The following MAP3K20 variants were observed in gnomAD, a reference collection of about 807,000 sequenced individuals.
MAP3K20 encodes HCCS-4.
A neutral mutation model predicts 85.7 loss-of-function variants in MAP3K20; 40 were observed. That is an observed-to-expected ratio of 0.47 (90% CI 0.36 to 0.61). The LOEUF (loss-of-function observed/expected upper bound fraction) is 0.61, where lower values mean the gene tolerates loss of function less well. Ranked by LOEUF, MAP3K20 falls within the 20% of genes least tolerant of loss-of-function variation. The pLI, the probability that MAP3K20 is intolerant of heterozygous loss-of-function variation, is 0.00. For synonymous variants in MAP3K20, 325 were observed against 327.7 expected, an observed-to-expected ratio of 0.99 and a Z score of 0.09; for missense variants, 817 against 961.7, an observed-to-expected ratio of 0.85 and a Z score of 1.99.
chr2:173,168,072 A>ATTATTTCTAATAATAATAAATAAACT (rs150210619), intron 2 of MAP3K20, among the ~76,000 whole-genome samples: 1 of 149,858 alleles, frequency 6.7e-6, no homozygotes, highest in African/African-American at 2.4e-5. Context: ...AACTTTATTT[A>ATTATTTCTAATAATAATAAATAAACT]TTATTTCTAA....
chr2:173,112,129 C>G (rs1346059607), intron 2 of MAP3K20, among the ~76,000 whole-genome samples: 2 of 152,002 alleles, frequency 1.3e-5, no homozygotes, highest in Non-Finnish European at 2.9e-5. Flanking sequence ...GGGCTTTTGA[C>G]TCCTTCGTTA....
chr2:173,222,065 GGTAGCA>G, intron 11 of MAP3K20: 1 of 942,798 alleles, frequency 1.1e-6, no homozygotes. Flanking sequence ...TAGCTGGCAT[GGTAGCA>G]CACACCTGTA....
intron 7 of MAP3K20, among the ~76,000 whole-genome samples, chr2:173,196,230 C>G (rs565109856): frequency 3.0e-4 from 45 of 152,254 alleles, no homozygotes; most frequent in African/African-American, 1.0e-3. Flanking sequence ...ACTTGCCCTT[C>G]GTATCTTTTC....
At position 173,082,911 on chromosome 2, in the gene MAP3K20, A is replaced by T. The variant is rs3769204; in HGVS notation, c.-35+6909A>T. 5.2e-4 allele frequency among the ~76,000 whole-genome samples: 79 copies of T among 152,366 alleles called. 3 individuals are homozygous for T. The East Asian group carries it at 0.015, about 29-fold the overall frequency. On this transcript the variant is annotated intron_variant, in intron 1 of 19. Coordinates refer to ENST00000375213, the MANE Select transcript of MAP3K20 (RefSeq NM_016653.3). ...GGCGTTAAGTGCTCCCACCAACTAC[A>T]TTCCTGTGCCTCCCATCTTTTACTT...
At chr2:173,214,558 C>T (rs1268440654) in intron 10 of MAP3K20, 1 of 152,134 alleles carries the variant, frequency 6.6e-6, no homozygotes, top group Non-Finnish European at 1.5e-5. Context: ...TAATATATAA[C>T]ACATTTAATA....
intron 2 of MAP3K20, among the ~76,000 whole-genome samples, chr2:173,151,393 T>C (rs1259634856): frequency 2.0e-5 from 3 of 152,188 alleles, no homozygotes; most frequent in African/African-American, 7.2e-5. Flanking sequence ...CATCTGTCCC[T>C]TTTACTTCCA....
At chr2:173,211,283 A>C (rs1419317610) in intron 10 of MAP3K20, 1 of 152,190 alleles carries the variant, frequency 6.6e-6, no homozygotes, top group Non-Finnish European at 1.5e-5. Flanking sequence ...AAGGACCAGA[A>C]TACTTAAGAA....
chr2:173,174,076 C>T (rs923584486), intron 3 of MAP3K20, among the ~76,000 whole-genome samples: 35 of 152,260 alleles, frequency 2.3e-4, no homozygotes, highest in African/African-American at 7.9e-4. Flanking sequence ...GAATTAAATG[C>T]TTATTTAAAA....
intron 3 of MAP3K20, among the ~76,000 whole-genome samples, chr2:173,181,945 A>G (rs1013903312): frequency 2.0e-5 from 3 of 151,046 alleles, no homozygotes; most frequent in African/African-American, 7.3e-5. Flanking sequence ...AGTCCCAGCT[A>G]CTTGGGAGGC....
chr2:173,133,547 G>A (rs886281649), intron 2 of MAP3K20, among the ~76,000 whole-genome samples: 3 of 152,068 alleles, frequency 2.0e-5, no homozygotes, highest in African/African-American at 7.2e-5. Flanking sequence ...GAATATGAAG[G>A]TATGCTGTAT....
chr2:173,222,921 C>T, intron 11 of MAP3K20: 1 of 985,120 alleles, frequency 1.0e-6, no homozygotes, highest in Non-Finnish European at 1.2e-6. Flanking sequence ...AGAACTAAGA[C>T]TTTTTTCAAA....
Position 173,229,692 on chromosome 2 carries a change from C to T in MAP3K20, c.991C>T (p.Leu331=). 1 of 1,614,050 alleles carries T rather than the reference C, an allele frequency of 6.2e-7. No individual in the cohort carries two copies. Among genetic ancestry groups the T allele is most frequent in the South Asian group, 1.1e-5 (1 of 91,070 alleles). The stretch of plus-strand genomic sequence containing the variant: ...TTCATGCATATTTCCCATGCAGCTG[C>T]TGCCTTCCTTTGAGATTGGTGCATG... ...KLTEQSNTPL[L]PSFEIGAWTE... is the part of the protein sequence containing the mutation. The change falls in exon 12 of 20, where the codon CTG becomes TTG. Residue 331 remains leucine, a synonymous_variant. Coordinates refer to ENST00000375213, the MANE Select transcript of MAP3K20 (RefSeq NM_016653.3).
intron 12 of MAP3K20, among the ~76,000 whole-genome samples, chr2:173,231,633 C>T (rs1477472364): frequency 6.6e-6 from 1 of 152,222 alleles, no homozygotes; most frequent in African/African-American, 2.4e-5. Flanking sequence ...ATCCTTCTCT[C>T]CTCACCAAGG....
intron 2 of MAP3K20, among the ~76,000 whole-genome samples, chr2:173,096,741 C>T (rs1016316203): frequency 1.3e-5 from 2 of 152,194 alleles, no homozygotes; most frequent in Non-Finnish European, 2.9e-5. Context: ...ACTTTCATAT[C>T]GCTTTTCCAT....
chr2:173,231,472 T>C (rs983621429), intron 12 of MAP3K20, among the ~76,000 whole-genome samples: 2 of 152,238 alleles, frequency 1.3e-5, no homozygotes, highest in African/African-American at 4.8e-5. Context: ...GAGTTTCCCC[T>C]GTCATTTGAA....
At chr2:173,259,816 T>G (rs1685245488) in intron 17 of MAP3K20, among the ~76,000 whole-genome samples, 2 of 152,256 alleles carry the variant, frequency 1.3e-5, no homozygotes, top group African/African-American at 4.8e-5. Context: ...ACCTTTTTCT[T>G]ATTTTGTCAG....
intron 16 of MAP3K20, among the ~76,000 whole-genome samples, chr2:173,256,476 A>T (rs539422526): frequency 3.4e-5 from 5 of 149,176 alleles, no homozygotes; most frequent in Admixed American, 2.0e-4. Flanking sequence ...AAGAAATTTA[A>T]AAAAATAGAT....
At chr2:173,144,117 G>A (rs1689054558) in intron 2 of MAP3K20, among the ~76,000 whole-genome samples, 1 of 151,750 alleles carries the variant, frequency 6.6e-6, no homozygotes, top group African/African-American at 2.4e-5. Context: ...GCAACATGGT[G>A]AAACCCTGTC....
At chr2:173,182,828 T>C (rs1223010571) in intron 3 of MAP3K20, 26 bp from the exon 4 acceptor site, 7 of 1,462,214 alleles carry the variant, frequency 4.8e-6, no homozygotes, top group Non-Finnish European at 6.5e-6. Context: ...ATTTTAATTA[T>C]ATGCTTATCT....
Sources: allele counts gnomAD v4.1 joint callset (sites outside exome capture counted in the v4.1 genomes callset), GRCh38; gene constraint gnomAD v4.1.1; transcripts MANE v1.5; gene names NCBI Gene and HGNC (gene_info 2026-07-23, HGNC 2026-07-21).